The following ATP9B variants were observed in gnomAD, a reference collection of about 807,000 sequenced individuals.
The protein encoded by ATP9B is probable phospholipid-transporting ATPase IIB.
In ATP9B, 110 loss-of-function variants were observed where a neutral mutation model predicts 146.1. The ratio of observed to expected loss-of-function variants is 0.75; its 90% CI spans 0.65 to 0.88. The LOEUF (loss-of-function observed/expected upper bound fraction) is 0.88, where lower values mean the gene tolerates loss of function less well. Among genes scored for constraint, ATP9B ranks in the 40% least tolerant of loss-of-function variants. The pLI is 0.00. For missense variants in ATP9B, 1,499 were observed against 1,496.4 expected, an observed-to-expected ratio of 1.00 and a Z score of -0.03; for synonymous variants, 604 against 569.7, an observed-to-expected ratio of 1.06 and a Z score of -0.86.
At chr18:79,310,589 C>G (rs2146646555) in intron 15 of ATP9B, among the ~76,000 whole-genome samples, 1 of 152,242 alleles carries the variant, frequency 6.6e-6, no homozygotes, top group African/African-American at 2.4e-5. Context: ...TGTCATTCAT[C>G]TTTTTTTCCT....
intron 7 of ATP9B, chr18:79,174,261 G>A (rs11874523): frequency 0.016 from 4,971 of 310,056 alleles, 245 homozygotes; most frequent in African/African-American, 0.1. Flanking sequence ...GGACTGCTGC[G>A]TCACCATCGT....
chr18:79,267,815 C>T (rs1167936924), intron 12 of ATP9B, among the ~76,000 whole-genome samples: 1 of 152,082 alleles, frequency 6.6e-6, no homozygotes, highest in African/African-American at 2.4e-5. Context: ...TTCAAAACAA[C>T]TTGCATTCCC....
intron 12 of ATP9B, among the ~76,000 whole-genome samples, chr18:79,256,924 T>C (rs1397800075): frequency 6.6e-6 from 1 of 152,210 alleles, no homozygotes; most frequent in African/African-American, 2.4e-5. Context: ...GTAAATTTCA[T>C]TTACAGAAGA....
At position 79,329,124 on chromosome 18, in the gene ATP9B, T is replaced by A; in HGVS notation, c.1774-17T>A. ...CCTGAGGCAGCGGTGGCCTCAGTTG[T>A]TGCTGGTCTCCCGTAGGTCGCTCTG... On this transcript the variant is annotated splice_polypyrimidine_tract_variant and intron_variant, in intron 15 of 29. Transcript: ENST00000426216. 2 of 1,537,370 alleles carry A rather than the reference T, an allele frequency of 1.3e-6. No homozygotes were observed. Among genetic ancestry groups the A allele is most frequent in the Non-Finnish European group, 1.8e-6 (2 of 1,137,946 alleles).
intron 7 of ATP9B, among the ~76,000 whole-genome samples, chr18:79,163,072 A>C (rs963082595): frequency 2.0e-5 from 3 of 152,202 alleles, no homozygotes; most frequent in Non-Finnish European, 4.4e-5. Context: ...GCTGAGCCTT[A>C]ACTGGCGTCA....
chr18:79,257,399 G>A (rs897314688), intron 12 of ATP9B, among the ~76,000 whole-genome samples: 16 of 152,364 alleles, frequency 1.1e-4, no homozygotes, highest in African/African-American at 3.6e-4. Flanking sequence ...GAGCAAATGG[G>A]CAGGCCATCC....
At chr18:79,146,809 A>G (rs2147495270) in intron 6 of ATP9B, 1 of 153,188 alleles carries the variant, frequency 6.5e-6, no homozygotes, top group African/African-American at 2.4e-5. Context: ...GTCACACACA[A>G]GAAGGAAGAA....
intron 13 of ATP9B, among the ~76,000 whole-genome samples, chr18:79,299,071 T>C (rs1291417357): frequency 6.6e-6 from 1 of 152,228 alleles, no homozygotes; most frequent in Non-Finnish European, 1.5e-5. Flanking sequence ...TCTTGATGCC[T>C]GCTGCCACAT....
chr18:79,075,941 T>C (rs575707625), intron 1 of ATP9B, among the ~76,000 whole-genome samples: 12 of 152,232 alleles, frequency 7.9e-5, no homozygotes, highest in South Asian at 2.1e-4. Context: ...GTGTAGATAT[T>C]ACTTAGTGCT....
chr18:79,359,278 T>A, intron 25 of ATP9B, 76 bp from the exon 26 acceptor site: 6 of 1,146,766 alleles, frequency 5.2e-6, no homozygotes, highest in Non-Finnish European at 6.4e-6. Context: ...AGCTGTGACC[T>A]CTAATCCAGA....
At chr18:79,329,026 AG>A (rs1378129820) in intron 15 of ATP9B, 114 bp from the exon 16 acceptor site, 5 of 1,148,054 alleles carry the variant, frequency 4.4e-6, no homozygotes, top group Non-Finnish European at 5.8e-6. Context: ...TGAACACCTA[AG>A]TTCTTCTGCA....
In ATP9B at chr18:79,374,038, G is replaced by C; in HGVS notation, c.3211G>C (p.Val1071Leu). Residue 1071 changes from valine to leucine, a missense_variant, in exon 28 of 30, where the codon GTG becomes CTG. Val to Leu is a conservative substitution (Grantham distance 32). Transcript: ENST00000426216. ...TVRTWHWLMV[V>L]AEFLSLGCYV... Reference sequence around the variant, plus strand: ...CCGCACGTGGCACTGGCTGATGGTGGTGGCCGAGTTCCTCAGCTTAGGCTG... The same window carrying C: ...CCGCACGTGGCACTGGCTGATGGTGCTGGCCGAGTTCCTCAGCTTAGGCTG... The C allele has an allele frequency of 6.2e-7, 1 of 1,614,192 alleles. No individual in the cohort carries two copies. Among genetic ancestry groups the C allele is most frequent in the Non-Finnish European group, 8.5e-7 (1 of 1,180,046 alleles).
intron 7 of ATP9B, among the ~76,000 whole-genome samples, chr18:79,157,413 A>C (rs1454964089): frequency 3.3e-5 from 5 of 150,262 alleles, no homozygotes; most frequent in South Asian, 2.1e-4. Context: ...AAAAAAAAAA[A>C]AAAAAAAAAA....
At chr18:79,233,728 TCAA>T (rs1373270043) in intron 11 of ATP9B, among the ~76,000 whole-genome samples, 6 of 152,144 alleles carry the variant, frequency 3.9e-5, no homozygotes, top group Non-Finnish European at 1.5e-5. Context: ...CCCTGTGCAG[TCAA>T]CAATCCACGC....
At chr18:79,114,123 GC>G (rs1261018866) in intron 4 of ATP9B, among the ~76,000 whole-genome samples, 1 of 152,050 alleles carries the variant, frequency 6.6e-6, no homozygotes, top group Non-Finnish European at 1.5e-5. Context: ...GGCACACCTG[GC>G]TAATTTTGTG....
chr18:79,170,558 T>C (rs1307915505), intron 7 of ATP9B, among the ~76,000 whole-genome samples: 2 of 152,234 alleles, frequency 1.3e-5, no homozygotes, highest in African/African-American at 4.8e-5. Context: ...TATAATATGA[T>C]TTTTATGCCA....
chr18:79,274,282 GATAGCT>G, intron 12 of ATP9B, among the ~76,000 whole-genome samples: 1 of 152,278 alleles, frequency 6.6e-6, no homozygotes, highest in East Asian at 1.9e-4. Context: ...ATGCAGCAGT[GATAGCT>G]ATACTCTGCC....
At chr18:79,101,990 G>T (rs2075313839) in intron 2 of ATP9B, among the ~76,000 whole-genome samples, 2 of 151,968 alleles carry the variant, frequency 1.3e-5, no homozygotes, top group Admixed American at 1.3e-4. Context: ...CTGTCACCCA[G>T]GCTGGAGTGC....
At chr18:79,193,110 A>C (rs1490053165) in intron 8 of ATP9B, 73 bp from the exon 9 acceptor site, 1 of 1,138,998 alleles carries the variant, frequency 8.8e-7, no homozygotes, top group African/African-American at 1.6e-5. Context: ...AATATTAATC[A>C]GCAAATGAGA....
Sources: gnomAD v4.1 joint callset for allele counts (sites outside exome capture counted in the v4.1 genomes callset) on GRCh38, gnomAD v4.1.1 for gene constraint, MANE v1.5 for transcripts, NCBI Gene and HGNC (gene_info 2026-07-23, HGNC 2026-07-21) for gene names.